The following FANCC variants were observed in gnomAD, a reference collection of about 807,000 sequenced individuals.
The protein encoded by FANCC is FA complementation group C.
In FANCC, 55 loss-of-function variants were observed where a neutral mutation model predicts 71.3. The observed-to-expected ratio is 0.77, with a 90% CI of 0.62 to 0.97. FANCC has a LOEUF of 0.97. FANCC is among the 50% of genes least tolerant of loss of function. The pLI is 0.00. For synonymous variants in FANCC, 275 were observed against 244.9 expected (o/e 1.12, Z -1.15); for missense variants, 678 against 670.9 (o/e 1.01, Z -0.12).
At chr9:95,293,134 G>A in intron 1 of FANCC, 1 of 1,613,226 alleles carries the variant, frequency 6.2e-7, no homozygotes. Context: ...AATAAAGCTA[G>A]AACCATCTTT....
chr9:95,283,028 GA>G (rs1833460752), intron 1 of FANCC, among the ~76,000 whole-genome samples: 1 of 152,210 alleles, frequency 6.6e-6, no homozygotes, highest in East Asian at 1.9e-4. Context: ...AATACCCTGA[GA>G]AAGGATATCC....
At chr9:95,136,637 T>A (rs928800574) in intron 7 of FANCC, among the ~76,000 whole-genome samples, 46 of 152,166 alleles carry the variant, frequency 3.0e-4, no homozygotes, top group African/African-American at 1.0e-3. Flanking sequence ...CAGGTGCACG[T>A]CACCACATCT....
intron 4 of FANCC, among the ~76,000 whole-genome samples, chr9:95,221,067 T>TA (rs1829227854): frequency 6.6e-6 from 1 of 151,576 alleles, no homozygotes; most frequent in African/African-American, 2.4e-5. Flanking sequence ...CCGTTTCTAC[T>TA]AAAAAATACA....
At chr9:95,103,149 C>A (rs2071190215) in intron 14 of FANCC, among the ~76,000 whole-genome samples, 1 of 151,976 alleles carries the variant, frequency 6.6e-6, no homozygotes, top group African/African-American at 2.4e-5. Flanking sequence ...GAGGACTGTC[C>A]CCCGCTCAGG....
chr9:95,166,979 G>A (rs1825337799), intron 6 of FANCC, among the ~76,000 whole-genome samples: 1 of 152,058 alleles, frequency 6.6e-6, no homozygotes, highest in African/African-American at 2.4e-5. Context: ...ATTCTTGTAA[G>A]GCAGGTCTAA....
chr9:95,293,355 C>T (rs538946389), intron 1 of FANCC: 3 of 1,599,120 alleles, frequency 1.9e-6, no homozygotes, highest in African/African-American at 2.7e-5. Flanking sequence ...GCCACAGGGG[C>T]TGTGCACTTA....
At chr9:95,171,809 A>G (rs1473551566) in intron 5 of FANCC, among the ~76,000 whole-genome samples, 2 of 152,198 alleles carry the variant, frequency 1.3e-5, no homozygotes, top group African/African-American at 4.8e-5. Context: ...CTAGAAAGAG[A>G]GGCTGATTGG....
rs147258294 is a variant in FANCC at position 95,198,041 on chromosome 9, C to T, written c.346-25894G>A. Among the ~76,000 whole-genome samples the T allele has an allele frequency of 5.0e-4, 76 of 152,232 alleles. 1 individual carries two copies. The highest frequency in any genetic ancestry group is 1.8e-3 in the African/African-American group (74 of 41,530). On this transcript the variant is annotated intron_variant, in intron 4 of 14. Transcript: ENST00000289081. ...TAATCACGGGTTGAGACTCAAGACTCCTAGGATGGGCAAAGGGCTCCATGC... is the reference window on the plus strand; with the variant it reads ...TAATCACGGGTTGAGACTCAAGACTTCTAGGATGGGCAAAGGGCTCCATGC...
rs1398032960 is a variant in FANCC at position 95,195,941 on chromosome 9, T to C, written c.346-23794A>G. 2.0e-5 allele frequency among the ~76,000 whole-genome samples: 3 copies of C among 152,220 alleles called. No homozygotes were observed. The East Asian group carries it at 5.8e-4, about 29-fold the overall frequency. On this transcript the variant is annotated intron_variant, in intron 4 of 14. Transcript: ENST00000289081. ...AGTATACGGAGATGGAGTTGACTGT[T>C]GTGTGTTGATCTTGTATCCTGCAGC...
At chr9:95,177,530 T>C (rs1826088819) in intron 4 of FANCC, among the ~76,000 whole-genome samples, 1 of 152,254 alleles carries the variant, frequency 6.6e-6, no homozygotes, top group African/African-American at 2.4e-5. Flanking sequence ...CTTTCAAATT[T>C]GATAAACCTT....
rs774807874 is a variant in FANCC at position 95,240,740 on chromosome 9, T to C, written c.254A>G (p.Glu85Gly). 1.3e-6 allele frequency: 2 copies of C among 1,597,810 alleles called. No homozygotes were observed. The highest frequency in any genetic ancestry group is 2.2e-5 in the South Asian group (2 of 90,406). The change falls in exon 4 of 15, where the codon GAA becomes GGA. Residue 85 changes from glutamate to glycine, a missense_variant. Physicochemically the swap from Glu to Gly is moderately conservative, Grantham distance 98 (BLOSUM62 -2). Transcript: ENST00000289081. ...CWNPFILAYD[E>G]SQKILIWCLC... ...GCACCATATTAGAATTTTTTGGCTT[T>C]CATCTACAAAAAGGAAAACTTAATA...
chr9:95,307,701 C>T (rs1835147293), intron 1 of FANCC, among the ~76,000 whole-genome samples: 1 of 152,148 alleles, frequency 6.6e-6, no homozygotes, highest in South Asian at 2.1e-4. Context: ...CAGCAACTGT[C>T]CAAAGAAGAT....
At chr9:95,253,895 C>G (rs1831501175) in intron 1 of FANCC, among the ~76,000 whole-genome samples, 1 of 152,222 alleles carries the variant, frequency 6.6e-6, no homozygotes, top group African/African-American at 2.4e-5. Flanking sequence ...CAACCTAGAT[C>G]CCCTGCATGT....
chr9:95,196,239 G>C (rs1827447206), intron 4 of FANCC, among the ~76,000 whole-genome samples: 2 of 152,154 alleles, frequency 1.3e-5, no homozygotes, highest in African/African-American at 4.8e-5. Context: ...TACGTGTTTG[G>C]GAGGTGCCCT....
intron 6 of FANCC, among the ~76,000 whole-genome samples, chr9:95,168,913 C>T (rs1462655707): frequency 6.6e-6 from 1 of 152,120 alleles, no homozygotes; most frequent in Non-Finnish European, 1.5e-5. Flanking sequence ...ATCCCTTTAC[C>T]CAGGGTATCC....
chr9:95,263,388 A>G (rs1832172951), intron 1 of FANCC, among the ~76,000 whole-genome samples: 1 of 152,094 alleles, frequency 6.6e-6, no homozygotes, highest in African/African-American at 2.4e-5. Flanking sequence ...TGATTCACAC[A>G]GAGCAGGTAA....
chr9:95,115,094 C>A (rs551699583), intron 11 of FANCC, among the ~76,000 whole-genome samples: 1 of 152,268 alleles, frequency 6.6e-6, no homozygotes, highest in South Asian at 2.1e-4. Context: ...GGGTGCACCA[C>A]CATGCCCAGC....
chr9:95,308,718 T>C (rs1434437479), intron 1 of FANCC, among the ~76,000 whole-genome samples: 4 of 152,174 alleles, frequency 2.6e-5, no homozygotes, highest in Admixed American at 6.5e-5. Context: ...ACAGTACAAT[T>C]TTAGGCAAAC....
chr9:95,248,411 C>A (rs996739734), intron 2 of FANCC, among the ~76,000 whole-genome samples: 4 of 152,132 alleles, frequency 2.6e-5, no homozygotes, highest in Non-Finnish European at 4.4e-5. Context: ...CAGACTGTAT[C>A]TTTCCTTATA....
Sources: allele counts gnomAD v4.1 joint callset (sites outside exome capture counted in the v4.1 genomes callset), GRCh38; gene constraint gnomAD v4.1.1; transcripts MANE v1.5; gene names NCBI Gene and HGNC (gene_info 2026-07-23, HGNC 2026-07-21).